The following UTP20 variants were observed in gnomAD, a reference collection of about 807,000 sequenced individuals.
The protein encoded by UTP20 is UTP20 small subunit processome component.
Under a neutral mutation model 329.5 loss-of-function variants are expected in UTP20, and 164 were observed. That is an observed-to-expected ratio of 0.50 (90% CI 0.44 to 0.57). The LOEUF is 0.57. Ranked by LOEUF, UTP20 falls within the 20% of genes least tolerant of loss-of-function variation. UTP20 has a pLI of 0.00. For missense variants in UTP20, 3,055 were observed against 3,284.2 expected (o/e 0.93, Z 1.71); for synonymous variants, 1,151 against 1,159.3 (o/e 0.99, Z 0.14).
chr12:101,357,522 G>A (rs1015856050), intron 43 of UTP20, among the ~76,000 whole-genome samples: 6 of 152,154 alleles, frequency 3.9e-5, no homozygotes, highest in South Asian at 2.1e-4. Context: ...AGGCCAAGAC[G>A]GGAGGATCAC....
At chr12:101,372,592 G>C (rs561488538) in intron 51 of UTP20, among the ~76,000 whole-genome samples, 1 of 152,360 alleles carries the variant, frequency 6.6e-6, no homozygotes, top group Admixed American at 6.5e-5. Context: ...AGAGAGATCA[G>C]CTTCCAACCT....
Position 101,386,100 on chromosome 12 carries a change from A to G in UTP20, c.8335A>G (p.Lys2779Glu). The change falls in exon 62 of 62, where the codon AAA (lysine) becomes GAA (glutamate). Residue 2779 changes from lysine (K) to glutamate (E), a missense_variant. Physicochemically the swap from Lys to Glu is moderately conservative, Grantham distance 56. This residue lies in a region of UTP20 where 337 missense variants were observed against 345.5 expected (regional missense o/e 0.98). Coordinates refer to ENST00000261637, the MANE Select transcript of UTP20 (RefSeq NM_014503.3). The stretch of plus-strand genomic sequence containing the variant: ...CAAGAGACAAAAAAGCCATAGCCTG[A>G]AAGATTTAGCAATGGTGGAGTAATG... ...KAKRQKSHSLKDLAMVE is the reference protein window; with the variant it reads ...KAKRQKSHSLEDLAMVE 1 of 1,606,876 alleles carries G rather than the reference A, an allele frequency of 6.2e-7. No individual in the cohort carries two copies. The highest frequency in any genetic ancestry group is 8.5e-7 in the Non-Finnish European group (1 of 1,178,742).
intron 18 of UTP20, 31 bp from the exon 19 acceptor site, chr12:101,309,732 C>T: frequency 1.3e-6 from 2 of 1,597,262 alleles, no homozygotes; most frequent in South Asian, 1.1e-5. Flanking sequence ...ATTTCATTAC[C>T]CAATACTAAA....
rs188587437 is a variant in UTP20, at chr12:101,322,001, T to A, written c.3041+372T>A. ...CATAAAGAAAGATCTTTATTTATTT[T>A]TTTTTTAGAGGGAGTCTCGCTCTGT... On this transcript the variant is annotated intron_variant, in intron 25 of 61. Transcript: ENST00000261637. Among the ~76,000 whole-genome samples the A allele has an allele frequency of 1.1e-4, 16 of 152,190 alleles. No individual in the cohort carries two copies. The East Asian group carries it at 2.9e-3, about 28-fold the overall frequency.
In UTP20 at chr12:101,373,665, A is replaced by G. The variant is rs772604926; in HGVS notation, c.7029A>G (p.Lys2343=). 1.2e-6 allele frequency: 2 copies of G among 1,613,112 alleles called. No homozygotes were observed. The highest frequency in any genetic ancestry group is 8.5e-7 in the Non-Finnish European group (1 of 1,179,874). Residue 2343 remains lysine (K), a synonymous_variant, in exon 54 of 62, where the codon AAA becomes AAG. Transcript: ENST00000261637. ...TCAATGATGACTCTGCCACGTGCAAAAAGATGGCATCCATGACAATCAAGT... is the reference window on the plus strand; with the variant it reads ...TCAATGATGACTCTGCCACGTGCAAGAAGATGGCATCCATGACAATCAAGT... The part of the protein sequence containing the change: ...MTINDDSATC[K]KMASMTIKSL...
At chr12:101,351,870 G>A (rs745910805) in intron 38 of UTP20, among the ~76,000 whole-genome samples, 185 bp from the exon 39 acceptor site, 1 of 152,138 alleles carries the variant, frequency 6.6e-6, no homozygotes, top group Non-Finnish European at 1.5e-5. Flanking sequence ...TTTAAAGAAT[G>A]ATGTCATTCC....
rs137868052 is a variant in UTP20, at chr12:101,330,485, A to T, written c.3417+1036A>T. On this transcript the variant is annotated intron_variant, in intron 27 of 61. Transcript: ENST00000261637. ...GCTGAGAAGCTCGAAGCAGGTGAGT[A>T]ATAAGGACTGTGTAGTGTTTTAAAA... 3.1e-3 allele frequency among the ~76,000 whole-genome samples: 475 copies of T among 152,304 alleles called. 2 individuals carry two copies. Among genetic ancestry groups the T allele is most frequent in the African/African-American group, 0.01 (429 of 41,564 alleles).
At chr12:101,370,675 T>A (rs1367508075) in intron 50 of UTP20, 112 bp downstream of exon 50, 1 of 1,158,470 alleles carries the variant, frequency 8.6e-7, no homozygotes, top group African/African-American at 1.6e-5. Context: ...AATTGAGTAA[T>A]TTGTAAAGAT....
chr12:101,308,617 T>C (rs1338877281), intron 18 of UTP20, among the ~76,000 whole-genome samples: 2 of 152,018 alleles, frequency 1.3e-5, no homozygotes, highest in Non-Finnish European at 2.9e-5. Flanking sequence ...CAGGGGCTCA[T>C]TGAACCTGAG....
At chr12:101,305,784 A>G (rs1770678361) in intron 15 of UTP20, 131 bp from the exon 16 acceptor site, 1 of 1,041,056 alleles carries the variant, frequency 9.6e-7, no homozygotes, top group South Asian at 2.7e-5. Context: ...TGAGCCAGAT[A>G]TCCACGTGAG....
chr12:101,319,414 T>G, intron 22 of UTP20, 131 bp from the exon 23 acceptor site: 1 of 627,790 alleles, frequency 1.6e-6, no homozygotes. Flanking sequence ...TAACTAAGCC[T>G]TGTTTATATA....
At chr12:101,301,150 TATAGTTTGCTGACCTCTGGGCTAGAGAC>T (rs1319166274) in intron 14 of UTP20, among the ~76,000 whole-genome samples, 1 of 152,176 alleles carries the variant, frequency 6.6e-6, no homozygotes, top group Non-Finnish European at 1.5e-5. Context: ...TTGCAGACCA[TATAGTTTGCTGACCTCTGGGCTAGAGAC>T]ATAGTTTGCT....
chr12:101,300,100 C>G, intron 14 of UTP20, 39 bp downstream of exon 14: 1 of 1,573,906 alleles, frequency 6.4e-7, no homozygotes, highest in Non-Finnish European at 8.7e-7. Context: ...CTCTTCTTTT[C>G]TGGCACACTC....
intron 14 of UTP20, among the ~76,000 whole-genome samples, chr12:101,301,348 C>G (rs1469145659): frequency 6.6e-6 from 1 of 151,608 alleles, no homozygotes; most frequent in Non-Finnish European, 1.5e-5. Flanking sequence ...AGTGAGAGCC[C>G]CCCCCGCCCA....
intron 27 of UTP20, among the ~76,000 whole-genome samples, chr12:101,331,681 T>C (rs1868766433): frequency 6.6e-6 from 1 of 152,198 alleles, no homozygotes; most frequent in African/African-American, 2.4e-5. Flanking sequence ...TTCCTATTAG[T>C]TTTCTTCATG....
At chr12:101,345,066 C>T (rs1250461995) in intron 36 of UTP20, among the ~76,000 whole-genome samples, 1 of 151,022 alleles carries the variant, frequency 6.6e-6, no homozygotes, top group Non-Finnish European at 1.5e-5. Context: ...CTGCCTCAGC[C>T]TCCAGAGTAG....
chr12:101,385,937 A>G, intron 61 of UTP20, 31 bp from the exon 62 acceptor site: 3 of 1,509,924 alleles, frequency 2.0e-6, no homozygotes, highest in Non-Finnish European at 2.7e-6. Flanking sequence ...TTACTTTAAA[A>G]GTAATATAAA....
intron 17 of UTP20, among the ~76,000 whole-genome samples, chr12:101,307,399 C>T (rs1420799537): frequency 6.6e-6 from 1 of 151,522 alleles, no homozygotes; most frequent in Admixed American, 6.6e-5. Context: ...TTTCTTTTTA[C>T]GGGGTCTCAC....
chr12:101,306,097 T>A (rs748081389), intron 16 of UTP20, 32 bp downstream of exon 16: 1 of 1,585,408 alleles, frequency 6.3e-7, no homozygotes, highest in Non-Finnish European at 8.6e-7. Context: ...GTGTCCTCAG[T>A]CTCTCTTCTC....
Sources: gnomAD v4.1 joint callset for allele counts (sites outside exome capture counted in the v4.1 genomes callset) on GRCh38, gnomAD v4.1.1 for gene constraint, gnomAD v4.1.1 regional missense constraint, MANE v1.5 for transcripts, NCBI Gene and HGNC (gene_info 2026-07-23, HGNC 2026-07-21) for gene names.